SGCZ: variants seen among roughly 807,000 people sequenced by gnomAD.
SGCZ encodes the protein sarcoglycan zeta, also known as zeta-sarcoglycan.
In SGCZ, 40 loss-of-function variants were observed where a neutral mutation model predicts 41.3. The observed-to-expected ratio is 0.97, with a 90% CI of 0.75 to 1.26. SGCZ has a LOEUF of 1.26. Ranked by LOEUF, SGCZ falls within the 50% of genes most tolerant of loss-of-function variation. The pLI, the probability that SGCZ is intolerant of heterozygous loss-of-function variation, is 0.00. For synonymous variants in SGCZ, 206 were observed against 137.5 expected, an observed-to-expected ratio of 1.50 and a Z score of -3.49; for missense variants, 552 against 369.8, an observed-to-expected ratio of 1.49 and a Z score of -4.04.
At chr8:14,617,850 A>ATGTGTG (rs34821756) in intron 1 of SGCZ, among the ~76,000 whole-genome samples, 46 of 92,784 alleles carry the variant, frequency 5.0e-4, no homozygotes, top group African/African-American at 1.6e-3. Flanking sequence ...TTGTGTGTTT[A>ATGTGTG]TGTGTGTGTG....
At chr8:14,658,202 C>G (rs571463801) in intron 1 of SGCZ, among the ~76,000 whole-genome samples, 3 of 152,156 alleles carry the variant, frequency 2.0e-5, no homozygotes, top group Non-Finnish European at 4.4e-5. Flanking sequence ...GTCATCCTTG[C>G]TCCTCTTTGT....
chr8:14,689,054 A>G (rs1427766095), intron 1 of SGCZ, among the ~76,000 whole-genome samples: 1 of 152,142 alleles, frequency 6.6e-6, no homozygotes, highest in African/African-American at 2.4e-5. Flanking sequence ...TTCTTATTTC[A>G]ATTGTTAAAA....
intron 2 of SGCZ, among the ~76,000 whole-genome samples, chr8:14,549,085 T>C (rs1803719570): frequency 1.3e-5 from 2 of 152,210 alleles, no homozygotes; most frequent in South Asian, 4.1e-4. Context: ...TGCCTGTTAA[T>C]TACCAGCATA....
chr8:14,156,230 G>A (rs954884131), intron 5 of SGCZ, among the ~76,000 whole-genome samples: 1 of 152,080 alleles, frequency 6.6e-6, no homozygotes, highest in Admixed American at 6.5e-5. Flanking sequence ...GGCACTTTGG[G>A]AGGCCGATCA....
At chr8:14,313,114 G>A (rs992313351) in intron 3 of SGCZ, among the ~76,000 whole-genome samples, 3 of 152,018 alleles carry the variant, frequency 2.0e-5, no homozygotes, top group Non-Finnish European at 4.4e-5. Flanking sequence ...GTTCTCTTTC[G>A]CAGCTGTGAG....
chr8:14,324,304 T>C (rs151224320), intron 2 of SGCZ, 100 bp from the exon 3 acceptor site: 2 of 811,776 alleles, frequency 2.5e-6, no homozygotes, highest in Admixed American at 4.1e-5. Flanking sequence ...TGAGCTCAAA[T>C]CAGTGATGAT....
intron 1 of SGCZ, among the ~76,000 whole-genome samples, chr8:14,942,386 A>C (rs1446473535): frequency 2.0e-5 from 3 of 152,166 alleles, no homozygotes; most frequent in Non-Finnish European, 4.4e-5. Context: ...TAGGATAGCT[A>C]CTAGTTAGTA....
At chr8:14,866,509 T>C (rs1400535970) in intron 1 of SGCZ, among the ~76,000 whole-genome samples, 1 of 152,214 alleles carries the variant, frequency 6.6e-6, no homozygotes, top group East Asian at 1.9e-4. Flanking sequence ...CTCCAAAATG[T>C]GCATATATAT....
chr8:14,898,245 C>T (rs1360587776), intron 1 of SGCZ, among the ~76,000 whole-genome samples: 4 of 152,038 alleles, frequency 2.6e-5, no homozygotes, highest in Non-Finnish European at 5.9e-5. Context: ...CCACCATATG[C>T]GGCCAGAAGC....
chr8:14,549,130 G>A (rs765597855), intron 2 of SGCZ, among the ~76,000 whole-genome samples: 7 of 151,620 alleles, frequency 4.6e-5, no homozygotes, highest in East Asian at 2.0e-4. Flanking sequence ...GGAAAATAGC[G>A]ACTTTAAGTA....
intron 1 of SGCZ, among the ~76,000 whole-genome samples, chr8:14,736,191 G>C (rs1001212581): frequency 6.6e-5 from 10 of 152,048 alleles, no homozygotes; most frequent in Non-Finnish European, 1.3e-4. Flanking sequence ...GCCATGTTTT[G>C]TAGAGGTTCA....
chr8:15,025,477 T>C (rs912532264), intron 1 of SGCZ, among the ~76,000 whole-genome samples: 4 of 152,114 alleles, frequency 2.6e-5, no homozygotes, highest in Admixed American at 6.5e-5. Context: ...AGCTGAGAGG[T>C]AGAGAGGCTG....
In SGCZ at chr8:14,845,254, T is replaced by C. The variant is rs114763874; in HGVS notation, c.40-290328A>G. On this transcript the variant is annotated intron_variant, in intron 1 of 7. Coordinates refer to ENST00000382080, the MANE Select transcript of SGCZ (RefSeq NM_139167.4). Reference sequence around the variant, plus strand: ...AATCAGTAAAACACACAGATGCATCTTGTCTCAGTAGTAGGGAATAATTAT... The same window carrying C: ...AATCAGTAAAACACACAGATGCATCCTGTCTCAGTAGTAGGGAATAATTAT... 9.5e-3 allele frequency among the ~76,000 whole-genome samples: 1,451 copies of C among 152,250 alleles called. 15 individuals carry two copies. Among genetic ancestry groups the C allele is most frequent in the African/African-American group, 0.033 (1,369 of 41,552 alleles).
In SGCZ at chr8:14,421,938, C is replaced by T. The variant is rs957106790; in HGVS notation, c.235-97734G>A. Among the ~76,000 whole-genome samples the T allele has an allele frequency of 4.6e-5, 7 of 152,138 alleles. No individual in the cohort carries two copies. In the East Asian group the frequency reaches 5.8e-4, roughly 13 times the overall value. The stretch of plus-strand genomic sequence containing the variant: ...AGCTTATGGGCCAAGACTTTTTTGG[C>T]TTTTAACAAAGAAAATGTTAGTCAT... On this transcript the variant is annotated intron_variant, in intron 2 of 7. Coordinates refer to ENST00000382080, the MANE Select transcript of SGCZ (RefSeq NM_139167.4).
chr8:15,147,365 G>A (rs750512717), intron 1 of SGCZ, among the ~76,000 whole-genome samples: 3 of 152,068 alleles, frequency 2.0e-5, no homozygotes, highest in Non-Finnish European at 4.4e-5. Flanking sequence ...CACAACCTCC[G>A]CCTCCCGGGT....
At chr8:14,715,537 C>T (rs1278095962) in intron 1 of SGCZ, among the ~76,000 whole-genome samples, 3 of 130,852 alleles carry the variant, frequency 2.3e-5, no homozygotes, top group Non-Finnish European at 3.2e-5. Context: ...TCCTCCACCA[C>T]ACACACACAC....
At chr8:15,060,147 G>A (rs1435703994) in intron 1 of SGCZ, among the ~76,000 whole-genome samples, 1 of 152,020 alleles carries the variant, frequency 6.6e-6, no homozygotes, top group Non-Finnish European at 1.5e-5. Flanking sequence ...AATACCATTT[G>A]ACCCAGCCAT....
intron 5 of SGCZ, among the ~76,000 whole-genome samples, chr8:14,155,318 C>T (rs1010103925): frequency 2.0e-5 from 3 of 152,140 alleles, no homozygotes; most frequent in Admixed American, 6.5e-5. Context: ...CTTCCTTTAA[C>T]GTCTTATCAG....
Position 15,015,699 on chromosome 8 carries a change from A to G in SGCZ, c.39+221886T>C, listed in dbSNP as rs530819488. Among the ~76,000 whole-genome samples, 87 of 145,246 alleles carry G rather than the reference A, an allele frequency of 6.0e-4. 4 individuals carry two copies. The highest frequency in any genetic ancestry group is 2.0e-3 in the African/African-American group (82 of 40,216). On this transcript the variant is annotated intron_variant, in intron 1 of 7. Coordinates refer to ENST00000382080, the MANE Select transcript of SGCZ (RefSeq NM_139167.4). ...AGAGACTCCATCTCAAAAAAAAAAA[A>G]AAAAGAAAAGAAAAAAGAAATATAC... is the stretch of plus-strand genomic sequence containing the variant.
Sources: allele counts gnomAD v4.1 joint callset (sites outside exome capture counted in the v4.1 genomes callset), GRCh38; gene constraint gnomAD v4.1.1; transcripts MANE v1.5; gene names NCBI Gene and HGNC (gene_info 2026-07-23, HGNC 2026-07-21).